The following CACNA1B variants were observed in gnomAD, a reference collection of about 807,000 sequenced individuals.
CACNA1B encodes calcium voltage-gated channel subunit alpha1 B.
CACNA1B carries 70 observed loss-of-function variants against 247.2 expected under a neutral mutation model. The ratio of observed to expected loss-of-function variants is 0.28; its 90% CI spans 0.23 to 0.35. CACNA1B has a LOEUF of 0.35. CACNA1B is among the 10% of genes least tolerant of loss of function. The pLI, the probability that CACNA1B is intolerant of heterozygous loss-of-function variation, is 1.00. For synonymous variants in CACNA1B, 1,231 were observed against 1,294.4 expected, an observed-to-expected ratio of 0.95 and a Z score of 1.05; for missense variants, 2,367 against 3,197.4, an observed-to-expected ratio of 0.74 and a Z score of 6.26.
Position 138,012,963 on chromosome 9 carries a change from G to A in CACNA1B, c.2161-166G>A, listed in dbSNP as rs879258601. Among the ~76,000 whole-genome samples the A allele has an allele frequency of 3.2e-4, 48 of 152,100 alleles. No individual in the cohort carries two copies. Among genetic ancestry groups the A allele is most frequent in the African/African-American group, 1.2e-3 (48 of 41,434 alleles). On this transcript the variant is annotated intron_variant, in intron 17 of 46. Coordinates refer to ENST00000371372, the MANE Select transcript of CACNA1B (RefSeq NM_000718.4). The surrounding 1 kb of genome is among the most constrained non-coding windows in gnomAD (Gnocchi z 4.2). ...AGACAGCTCCTGTGGAACAGGTCGT[G>A]GGGGGCCACATTCACTCAGGGGTTG...
In CACNA1B at chr9:138,010,223, G is replaced by A. The variant is rs1379169825; in HGVS notation, c.2160+146G>A. The A allele has an allele frequency of 6.2e-6, 4 of 648,126 alleles. No individual in the cohort carries two copies. The South Asian group carries it at 7.5e-5, about 12-fold the overall frequency. The allele number at this position is 648,126 out of a possible 1,614,324, so 40.1% of individuals were successfully genotyped here. A position where few individuals can be genotyped will look rare whatever the true frequency, so the allele number is the denominator to read the frequency against. ...GGGCAGAGGCTGGTCTGTCACTCAG[G>A]GGCTGGAGGCTGGAGCTGAGGATGC... On this transcript the variant is annotated intron_variant, in intron 17 of 46. Transcript: ENST00000371372. The surrounding 1 kb of genome is among the most constrained non-coding windows in gnomAD (Gnocchi z 5.3).
chr9:137,906,515 C>A (rs770804091), intron 3 of CACNA1B, among the ~76,000 whole-genome samples: 11 of 151,896 alleles, frequency 7.2e-5, no homozygotes, highest in Non-Finnish European at 1.5e-4. Context: ...CCTGCATGTC[C>A]ATGTGTTGTC....
intron 3 of CACNA1B, among the ~76,000 whole-genome samples, chr9:137,904,540 A>AT (rs796085828): frequency 1.2e-4 from 18 of 148,318 alleles, no homozygotes; most frequent in South Asian, 2.2e-4. Flanking sequence ...AATTAAAAAA[A>AT]TTTTTTTTTT....
chr9:137,949,104 GTGGTGGCT>G (rs1564203157), intron 6 of CACNA1B, among the ~76,000 whole-genome samples: 10 of 1,396 alleles, frequency 7.2e-3, no homozygotes, highest in Non-Finnish European at 0.012. Context: ...GTGCATGTTT[GTGGTGGCT>G]GTGTGTCCAG....
At chr9:138,038,690 C>T (rs943068790) in intron 20 of CACNA1B, among the ~76,000 whole-genome samples, 13 of 152,242 alleles carry the variant, frequency 8.5e-5, no homozygotes, top group Non-Finnish European at 1.6e-4. Context: ...GTCTGAAGTG[C>T]ACCCTTGCTC....
chr9:138,112,627 ACCT>A (rs1378346334), intron 40 of CACNA1B, 122 bp downstream of exon 40: 1 of 674,460 alleles, frequency 1.5e-6, no homozygotes, highest in Admixed American at 2.2e-5. Flanking sequence ...AGGTGGGCTC[ACCT>A]CCTCATGAAT....
chr9:138,096,668 G>T, intron 37 of CACNA1B, 57 bp downstream of exon 37: 1 of 1,554,134 alleles, frequency 6.4e-7, no homozygotes, highest in South Asian at 1.2e-5. Flanking sequence ...CATAGATCTT[G>T]GGATGGGCCT....
chr9:138,102,737 T>C lies in CACNA1B; in HGVS notation c.5249T>C (p.Phe1750Ser). ...ACGRISYNDM[F>S]EMLKHMSPPL... ...GGGCGCATCAGTTACAATGACATGTTTGAGATGCTGAAACACATGTCCCCG... is the reference window on the plus strand; with the variant it reads ...GGGCGCATCAGTTACAATGACATGTCTGAGATGCTGAAACACATGTCCCCG... Residue 1750 changes from phenylalanine to serine, a missense_variant, in exon 38 of 47, where the codon TTT (phenylalanine) becomes TCT (serine). By Grantham distance (155) the Phe-to-Ser change is radical. Coordinates refer to ENST00000371372, the MANE Select transcript of CACNA1B (RefSeq NM_000718.4). This position sits in a 1 kb window ranked among gnomAD's most constrained non-coding sequence, Gnocchi z 5.4. The C allele has an allele frequency of 1.9e-6, 3 of 1,612,524 alleles. No individual in the cohort carries two copies. The South Asian group carries it at 3.3e-5, about 18-fold the overall frequency.
chr9:138,083,885 C>T (rs1291915037), intron 36 of CACNA1B, among the ~76,000 whole-genome samples: 1 of 150,662 alleles, frequency 6.6e-6, no homozygotes, highest in African/African-American at 2.5e-5. Flanking sequence ...TACTGCCAAG[C>T]CCTACCATCC....
rs904270350 is a variant in CACNA1B, at chr9:138,078,049, G to A, written c.4950-65G>A. 9 of 1,504,068 alleles carry A rather than the reference G, an allele frequency of 6.0e-6. No homozygotes were observed. The East Asian group carries it at 9.2e-5, about 15-fold the overall frequency. The allele number at this position is 1,504,068 out of a possible 1,614,324, so 93.2% of individuals were successfully genotyped here. Reference sequence around the variant, plus strand: ...CCCAAAGGAGTGGGCACGCTTGGTAGCCCCACAGGGCTCGGGCTCCCTCAA... The same window carrying A: ...CCCAAAGGAGTGGGCACGCTTGGTAACCCCACAGGGCTCGGGCTCCCTCAA... On this transcript the variant is annotated intron_variant, in intron 35 of 46. Transcript: ENST00000371372.
chr9:137,898,086 G>A (rs1244818157), intron 3 of CACNA1B, among the ~76,000 whole-genome samples: 1 of 152,108 alleles, frequency 6.6e-6, no homozygotes, highest in African/African-American at 2.4e-5. Context: ...ATATTTTGCT[G>A]GATATAGACA....
chr9:137,946,733 G>A (rs1957801076), intron 6 of CACNA1B, among the ~76,000 whole-genome samples: 1 of 152,186 alleles, frequency 6.6e-6, no homozygotes, highest in Admixed American at 6.5e-5. Flanking sequence ...TTGCCTCCAT[G>A]CTTAGGTGCT....
Position 137,917,104 on chromosome 9 carries a change from G to A in CACNA1B, c.776-137G>A. The A allele has an allele frequency of 1.4e-6, 1 of 710,412 alleles. No homozygotes were observed. Among genetic ancestry groups the A allele is most frequent in the Middle Eastern group, 2.9e-4 (1 of 3,418 alleles). The allele number at this position is 710,412 out of a possible 1,614,324, so 44.0% of individuals were successfully genotyped here. A position where few individuals can be genotyped will look rare whatever the true frequency, so the allele number is the denominator to read the frequency against. ...ATGCAGATTCGAGGAGGGATGGTGG[G>A]AAGTTGAGGGAGAGTTTCTGTTGGT... On this transcript the variant is annotated intron_variant, in intron 5 of 46. Transcript: ENST00000371372. The surrounding 1 kb of genome is among the most constrained non-coding windows in gnomAD (Gnocchi z 5.5).
chr9:137,924,574 T>C (rs566909772), intron 6 of CACNA1B, among the ~76,000 whole-genome samples: 1 of 152,368 alleles, frequency 6.6e-6, no homozygotes, highest in African/African-American at 2.4e-5. Context: ...CCTATATGTT[T>C]TGAAGTCAGG....
intron 20 of CACNA1B, among the ~76,000 whole-genome samples, chr9:138,033,623 A>C (rs758603544): frequency 2.6e-4 from 39 of 152,338 alleles, no homozygotes; most frequent in Admixed American, 2.2e-3. Context: ...TAATTTATAA[A>C]GGAAAGAGGT....
chr9:137,965,259 C>A (rs1466728145), intron 10 of CACNA1B, among the ~76,000 whole-genome samples: 1 of 152,246 alleles, frequency 6.6e-6, no homozygotes, highest in Non-Finnish European at 1.5e-5. Flanking sequence ...GTTCCCTGAT[C>A]AGTTTGAGCT....
intron 6 of CACNA1B, among the ~76,000 whole-genome samples, chr9:137,937,292 T>C (rs1957679364): frequency 6.6e-6 from 1 of 151,954 alleles, no homozygotes; most frequent in African/African-American, 2.4e-5. Flanking sequence ...TGTAAAATGC[T>C]CTGGAAAGTC....
At position 138,059,724 on chromosome 9, in the gene CACNA1B, T is replaced by A; in HGVS notation, c.4655T>A (p.Val1552Glu). 1 of 1,596,810 alleles carries A rather than the reference T, an allele frequency of 6.3e-7. No individual in the cohort carries two copies. The highest frequency in any genetic ancestry group is 8.6e-7 in the Non-Finnish European group (1 of 1,164,210). ...TTGGGAAGTATTACTGATATTTTAG[T>A]AACAGAGATTGCGGTAAGTAGCATT... is the stretch of plus-strand genomic sequence containing the variant. ...TVLGSITDIL[V>E]TEIAETNNFI... The change falls in exon 31 of 47, where the codon GTA (valine) becomes GAA (glutamate). Residue 1552 changes from valine to glutamate, a missense_variant. By Grantham distance (121) the Val-to-Glu change is moderately radical. Around this residue, in one of 12 missense-constraint regions of CACNA1B, gnomAD observed 436 missense variants for 679.5 expected, o/e 0.64. Transcript: ENST00000371372. This position sits in a 1 kb window ranked among gnomAD's most constrained non-coding sequence, Gnocchi z 4.2.
intron 9 of CACNA1B, 98 bp downstream of exon 9, chr9:137,956,925 T>C: frequency 3.0e-6 from 3 of 992,106 alleles, no homozygotes; most frequent in Non-Finnish European, 4.8e-6. Context: ...CGAAGTGCTC[T>C]TGGCAGTGCC....
Sources: allele counts gnomAD v4.1 joint callset (sites outside exome capture counted in the v4.1 genomes callset), GRCh38; gene constraint gnomAD v4.1.1; regional missense constraint gnomAD v4.1.1; non-coding constraint Gnocchi (gnomAD v3.1); transcripts MANE v1.5; gene names NCBI Gene and HGNC (gene_info 2026-07-23, HGNC 2026-07-21).